AP1M1: variants seen among roughly 807,000 people sequenced by gnomAD.
AP1M1 encodes adaptor related protein complex 1 subunit mu 1, also known as AP-1 complex subunit mu-1.
In AP1M1, 18 loss-of-function variants were observed where a neutral mutation model predicts 57.1. The observed-to-expected ratio is 0.32, with a 90% CI of 0.22 to 0.47. AP1M1 has a LOEUF of 0.47. AP1M1 is among the 20% of genes least tolerant of loss of function. AP1M1 has a pLI of 1.00. For synonymous variants in AP1M1, 241 were observed against 237.9 expected, an observed-to-expected ratio of 1.01 and a Z score of -0.12; for missense variants, 362 against 593.5, an observed-to-expected ratio of 0.61 and a Z score of 4.05.
At chr19:16,198,150 A>G in intron 1 of AP1M1, 82 bp downstream of exon 1, 1 of 1,527,002 alleles carries the variant, frequency 6.5e-7, no homozygotes, top group Non-Finnish European at 8.9e-7. Flanking sequence ...GTTGCTAGGT[A>G]ACCGGCTTAT....
chr19:16,222,687 A>G (rs2145132548), intron 5 of AP1M1, among the ~76,000 whole-genome samples: 1 of 152,102 alleles, frequency 6.6e-6, no homozygotes, highest in African/African-American at 2.4e-5. Context: ...AGCTCACTGC[A>G]GCCTCAACCT....
Position 16,228,687 on chromosome 19 carries a change from A to T in AP1M1, c.889-83A>T. On this transcript the variant is annotated intron_variant, in intron 8 of 11. Transcript: ENST00000291439. The surrounding 1 kb of genome is among the most constrained non-coding windows in gnomAD (Gnocchi z 5.0). ...GGGGCTAGGGAGGATCCCCCGGGCC[A>T]GGCTGAGGGGCATGTGTCCTGGAGA... The T allele has an allele frequency of 6.5e-7, 1 of 1,537,430 alleles. No homozygotes were observed. Among genetic ancestry groups the T allele is most frequent in the Non-Finnish European group, 8.9e-7 (1 of 1,124,294 alleles).
intron 1 of AP1M1, 55 bp downstream of exon 1, chr19:16,198,123 C>T (rs1173067582): frequency 6.3e-7 from 1 of 1,584,920 alleles, no homozygotes; most frequent in South Asian, 1.1e-5. Context: ...GGGCCTCCGC[C>T]CGCGGGGACC....
intron 5 of AP1M1, among the ~76,000 whole-genome samples, chr19:16,211,839 T>C (rs1233602858): frequency 2.0e-5 from 3 of 152,224 alleles, no homozygotes; most frequent in Non-Finnish European, 4.4e-5. Flanking sequence ...AAGCCTTTTC[T>C]GCACCTATTG....
At position 16,198,008 on chromosome 19, in the gene AP1M1, G is replaced by GCCGCCACCGCCCTCGGCCGCTGCCA. The variant is rs1555722861; in HGVS notation, c.-19_-18insCCGCCACCGCCCTCGGCCGCTGCCA. The GCCGCCACCGCCCTCGGCCGCTGCCA allele has an allele frequency of 5.1e-6, 8 of 1,575,898 alleles. No homozygotes were observed. In the Admixed American group the frequency reaches 1.1e-4, roughly 22 times the overall value. On this transcript the variant is annotated 5_prime_UTR_variant, in exon 1 of 12. Coordinates refer to ENST00000291439, the MANE Select transcript of AP1M1 (RefSeq NM_032493.4). Reference sequence around the variant, plus strand: ...GCCGCCACCGCCCTCGGCCGCTGCCGAGGCCTCCTGCAGCCATCATGTCCG... The same window carrying GCCGCCACCGCCCTCGGCCGCTGCCA: ...GCCGCCACCGCCCTCGGCCGCTGCCGCCGCCACCGCCCTCGGCCGCTGCCAAGGCCTCCTGCAGCCATCATGTCCG...
rs1406663499 is a variant in AP1M1, at chr19:16,234,270, T to C, written c.1245T>C (p.Asn415=). 3.7e-6 allele frequency: 6 copies of C among 1,613,666 alleles called. No homozygotes were observed. In the African/African-American group the frequency reaches 4.0e-5, roughly 11 times the overall value. Reference sequence around the variant, plus strand: ...CCTGGGTGCGTTATATCACGCAGAATGGAGGTGAGTGAGGCCCTACCCGTG... The same window carrying C: ...CCTGGGTGCGTTATATCACGCAGAACGGAGGTGAGTGAGGCCCTACCCGTG... ...ALPWVRYITQ[N]GDYQLRTQ Residue 415 remains asparagine (N), a synonymous_variant, in exon 11 of 12, where the codon AAT becomes AAC. Coordinates refer to ENST00000291439, the MANE Select transcript of AP1M1 (RefSeq NM_032493.4).
chr19:16,214,216 T>A (rs549172645), intron 5 of AP1M1, among the ~76,000 whole-genome samples: 31 of 150,190 alleles, frequency 2.1e-4, no homozygotes, highest in African/African-American at 7.6e-4. Flanking sequence ...GCCCAGCTAA[T>A]TTTTTTTTGG....
rs62116350 is a variant in AP1M1, at chr19:16,240,274, A to C, written c.*5839A>C. The C allele has an allele frequency of 4.8e-5, 2 of 41,888 alleles. No homozygotes were observed. Among genetic ancestry groups the C allele is most frequent in the African/African-American group, 1.4e-4 (2 of 14,492 alleles). The allele number at this position is 41,888 out of a possible 1,614,324, so 2.6% of individuals were successfully genotyped here. A position where few individuals can be genotyped will look rare whatever the true frequency, so the allele number is the denominator to read the frequency against. On this transcript the variant is annotated 3_prime_UTR_variant, in exon 12 of 12. Transcript: ENST00000291439. ...TGTGTGTGTGTGTGTGTGTGTGTGT[A>C]TGTGTGTGTGTGTGTGTGTGTGTGT...
chr19:16,218,453 C>T (rs2091528296), intron 5 of AP1M1, among the ~76,000 whole-genome samples: 1 of 152,222 alleles, frequency 6.6e-6, no homozygotes, highest in Non-Finnish European at 1.5e-5. Flanking sequence ...TAGTTCAATT[C>T]ACCCCCTCCA....
chr19:16,206,766 C>T lies in AP1M1; in HGVS notation c.267+358C>T, dbSNP rs1174569489. On this transcript the variant is annotated intron_variant, in intron 3 of 11. Coordinates refer to ENST00000291439, the MANE Select transcript of AP1M1 (RefSeq NM_032493.4). The surrounding 1 kb of genome is among the most constrained non-coding windows in gnomAD (Gnocchi z 4.3). ...AGCAGAGCTGCAGAGCTGAGCCCAC[C>T]TCAGAATCTCCCAGGGGGCTCTCAA... Among the ~76,000 whole-genome samples the T allele has an allele frequency of 1.3e-5, 2 of 152,192 alleles. No individual in the cohort carries two copies. The highest frequency in any genetic ancestry group is 2.9e-5 in the Non-Finnish European group (2 of 68,030).
At position 16,203,249 on chromosome 19, in the gene AP1M1, C is replaced by T; in HGVS notation, c.43-210C>T. The T allele has an allele frequency of 1.7e-6, 1 of 597,066 alleles. No individual in the cohort carries two copies. The highest frequency in any genetic ancestry group is 3.0e-6 in the Non-Finnish European group (1 of 336,026). 37.0% of individuals were successfully genotyped at this position (597,066 alleles called of 1,614,324 possible). On this transcript the variant is annotated intron_variant, in intron 1 of 11. Transcript: ENST00000291439. The surrounding 1 kb of genome is among the most constrained non-coding windows in gnomAD (Gnocchi z 4.6). ...ACCCTGCGAAGAACTGCAGTGGCCC[C>T]TGTGGGCATTCACACTGGGAGATGC...
chr19:16,239,959 A>G lies in AP1M1; in HGVS notation c.*5524A>G, dbSNP rs539646542. 1.4e-4 allele frequency: 22 copies of G among 152,280 alleles called. No homozygotes were observed. The highest frequency in any genetic ancestry group is 5.3e-4 in the African/African-American group (22 of 41,552). The allele number at this position is 152,280 out of a possible 1,614,324, so 9.4% of individuals were successfully genotyped here. A position where few individuals can be genotyped will look rare whatever the true frequency, so the allele number is the denominator to read the frequency against. ...CTCCACATCCATGGGTTCTGCATCCATGGATTCAACCAAGAGTGAGTTGAA... is the reference window on the plus strand; with the variant it reads ...CTCCACATCCATGGGTTCTGCATCCGTGGATTCAACCAAGAGTGAGTTGAA... On this transcript the variant is annotated 3_prime_UTR_variant, in exon 12 of 12. Coordinates refer to ENST00000291439, the MANE Select transcript of AP1M1 (RefSeq NM_032493.4).
Position 16,227,704 on chromosome 19 carries a change from C to A in AP1M1, c.816+14C>A. Reference sequence around the variant, plus strand: ...CTCAACACCCACGTGAGTGCGCCACCCTGGGGCTGGGCTGTCGGCAGACTC... The same window carrying A: ...CTCAACACCCACGTGAGTGCGCCACACTGGGGCTGGGCTGTCGGCAGACTC... On this transcript the variant is annotated intron_variant, in intron 7 of 11. Coordinates refer to ENST00000291439, the MANE Select transcript of AP1M1 (RefSeq NM_032493.4). The surrounding 1 kb of genome is among the most constrained non-coding windows in gnomAD (Gnocchi z 6.2). 4 of 1,611,234 alleles carry A rather than the reference C, an allele frequency of 2.5e-6. No individual in the cohort carries two copies. Among genetic ancestry groups the A allele is most frequent in the East Asian group, 2.2e-5 (1 of 44,782 alleles).
At chr19:16,204,164 G>C (rs1263560933) in intron 2 of AP1M1, among the ~76,000 whole-genome samples, 1 of 152,102 alleles carries the variant, frequency 6.6e-6, no homozygotes, top group Non-Finnish European at 1.5e-5. Context: ...TGGGTAGGTG[G>C]GGAGTAGGCT....
rs534685626 is a variant in AP1M1 at position 16,198,985 on chromosome 19, T to G, written c.42+917T>G. Reference sequence around the variant, plus strand: ...ACTACGCCGAGCTAAATTTTGTATTTTTAGTAGAGGCAGGGTTTCACCATG... The same window carrying G: ...ACTACGCCGAGCTAAATTTTGTATTGTTAGTAGAGGCAGGGTTTCACCATG... On this transcript the variant is annotated intron_variant, in intron 1 of 11. Transcript: ENST00000291439. Among the ~76,000 whole-genome samples, 9 of 152,148 alleles carry G rather than the reference T, an allele frequency of 5.9e-5. No homozygotes were observed. In the East Asian group the frequency reaches 1.7e-3, roughly 29 times the overall value.
chr19:16,200,166 A>T (rs2091441219), intron 1 of AP1M1, among the ~76,000 whole-genome samples: 1 of 152,184 alleles, frequency 6.6e-6, no homozygotes, highest in Non-Finnish European at 1.5e-5. Context: ...AAGCAGAGAC[A>T]TTACCACACA....
In AP1M1 at chr19:16,234,303, G is replaced by A. The variant is rs1568356954; in HGVS notation, c.1249+29G>A. The A allele has an allele frequency of 3.7e-6, 6 of 1,613,246 alleles. No individual in the cohort carries two copies. The South Asian group carries it at 5.5e-5, about 15-fold the overall frequency. ...AGTGAGGCCCTACCCGTGGGGTGGG[G>A]TTGTACTGAGGGGTCCTCTGTGGCT... On this transcript the variant is annotated intron_variant, in intron 11 of 11. Coordinates refer to ENST00000291439, the MANE Select transcript of AP1M1 (RefSeq NM_032493.4).
chr19:16,203,966 A>G lies in AP1M1; in HGVS notation c.199+351A>G, dbSNP rs12983258. Reference sequence around the variant, plus strand: ...CTCTGCAGGGAAGAGCCTCATTCCAACAGCTGCACTCGGGGTGGCTGGAGA... The same window carrying G: ...CTCTGCAGGGAAGAGCCTCATTCCAGCAGCTGCACTCGGGGTGGCTGGAGA... On this transcript the variant is annotated intron_variant, in intron 2 of 11. Coordinates refer to ENST00000291439, the MANE Select transcript of AP1M1 (RefSeq NM_032493.4). The surrounding 1 kb of genome is among the most constrained non-coding windows in gnomAD (Gnocchi z 4.6). Among the ~76,000 whole-genome samples the G allele has an allele frequency of 0.66, 99,929 of 152,004 alleles. 35,100 individuals are homozygous for G. The highest frequency in any genetic ancestry group is 0.8 in the Non-Finnish European group (54,157 of 67,988).
Position 16,234,568 on chromosome 19 carries a change from C to T in AP1M1, c.*133C>T, listed in dbSNP as rs2091616085. The T allele has an allele frequency of 1.7e-6, 2 of 1,158,380 alleles. No individual in the cohort carries two copies. The highest frequency in any genetic ancestry group is 1.5e-5 in the African/African-American group (1 of 65,660). 71.8% of individuals were successfully genotyped at this position (1,158,380 alleles called of 1,614,324 possible). ...CCTCCCAGCCTCTGCCCAGGGACCC[C>T]TGCCTTCCCCAGGCCATCTGCTCTG... is the stretch of plus-strand genomic sequence containing the variant. On this transcript the variant is annotated 3_prime_UTR_variant, in exon 12 of 12. Transcript: ENST00000291439.
Sources: allele counts gnomAD v4.1 joint callset (sites outside exome capture counted in the v4.1 genomes callset), GRCh38; gene constraint gnomAD v4.1.1; non-coding constraint Gnocchi (gnomAD v3.1); transcripts MANE v1.5; gene names NCBI Gene and HGNC (gene_info 2026-07-23, HGNC 2026-07-21).